The following DHCR7 variants were observed in gnomAD, a reference collection of about 807,000 sequenced individuals.
DHCR7 encodes the protein 7-DHC reductase.
Under a neutral mutation model 43.3 loss-of-function variants are expected in DHCR7, and 40 were observed. That is an observed-to-expected ratio of 0.92 (90% CI 0.72 to 1.20). The LOEUF (loss-of-function observed/expected upper bound fraction) is 1.20. Ranked by LOEUF, DHCR7 falls within the 50% of genes most tolerant of loss-of-function variation. The probability of loss-of-function intolerance (pLI) is 0.00; values close to 1 mark genes in which losing one functional copy is unlikely to be tolerated. For synonymous variants in DHCR7, 298 were observed against 271.4 expected (o/e 1.10, Z -0.96); for missense variants, 608 against 644.6 (o/e 0.94, Z 0.62).
rs1441002815 is a variant in DHCR7 at position 71,441,429 on chromosome 11, T to C, written c.424A>G (p.Lys142Glu). ...GAVTPAGVVN[K>E]YQINGLQAWL... ...GCTTGCAGGCCATTGATCTGATACT[T>C]GTTCACAACCCCTGCAGATGAAGGA... The change falls in exon 6 of 9, where the codon AAG becomes GAG. Residue 142 changes from lysine to glutamate, a missense_variant. Transcript: ENST00000355527. 2 of 1,612,782 alleles carry C rather than the reference T, an allele frequency of 1.2e-6. No homozygotes were observed. The highest frequency in any genetic ancestry group is 4.5e-5 in the East Asian group (2 of 44,852).
chr11:71,442,273 C>T lies in DHCR7; in HGVS notation c.402G>A (p.Val134=). 1.2e-6 allele frequency: 2 copies of T among 1,613,018 alleles called. No individual in the cohort carries two copies. Among genetic ancestry groups the T allele is most frequent in the Non-Finnish European group, 1.7e-6 (2 of 1,179,438 alleles). ...AAGGGAGGAGGCTACCTGCAGGAGTCACGGCCCCCTCCTGGATGCCTCCTA... is the reference window on the plus strand; with the variant it reads ...AAGGGAGGAGGCTACCTGCAGGAGTTACGGCCCCCTCCTGGATGCCTCCTA... The part of the protein sequence containing the change: ...GYVGGIQEGA[V]TPAGVVNKYQ... The change falls in exon 5 of 9, where the codon GTG becomes GTA. Residue 134 remains valine (V), a synonymous_variant. Coordinates refer to ENST00000355527, the MANE Select transcript of DHCR7 (RefSeq NM_001360.3).
At chr11:71,444,303 T>C (rs1213464582) in intron 3 of DHCR7, 88 bp from the exon 4 acceptor site, 1 of 1,129,934 alleles carries the variant, frequency 8.9e-7, no homozygotes, top group South Asian at 1.3e-5. Flanking sequence ...GGGAGAACTG[T>C]TGCTCAAACC....
At chr11:71,442,590 G>C (rs1162171729) in intron 4 of DHCR7, among the ~76,000 whole-genome samples, 1 of 152,170 alleles carries the variant, frequency 6.6e-6, no homozygotes, top group Non-Finnish European at 1.5e-5. Context: ...CCTCAGGAGA[G>C]CGCACAGGTC....
chr11:71,438,977 T>C lies in DHCR7; in HGVS notation c.733A>G (p.Ile245Val). The change falls in exon 7 of 9, where the codon ATC becomes GTC. Residue 245 changes from isoleucine (I) to valine (V), a missense_variant. By Grantham distance (29) the Ile-to-Val change is conservative. Transcript: ENST00000355527. ...AGGTTGATGAGGGTCCAGGCGACGA[T>C]CCCGGGGCGCCCATTGAAGAACAGC... The part of the protein sequence containing the change: ...FKLFFNGRPG[I>V]VAWTLINLSF... 21 of 1,614,060 alleles carry C rather than the reference T, an allele frequency of 1.3e-5. No individual in the cohort carries two copies. The highest frequency in any genetic ancestry group is 1.7e-5 in the Non-Finnish European group (20 of 1,180,050).
intron 2 of DHCR7, 110 bp from the exon 3 acceptor site, chr11:71,445,068 A>G (rs1949392288): frequency 2.3e-6 from 2 of 859,656 alleles, no homozygotes; most frequent in Non-Finnish European, 4.0e-6. Flanking sequence ...TCCTGTGCAC[A>G]TCTTCCCGGT....
intron 8 of DHCR7, 47 bp downstream of exon 8, chr11:71,437,765 T>C (rs1326942812): frequency 1.9e-6 from 3 of 1,612,344 alleles, no homozygotes; most frequent in Non-Finnish European, 2.5e-6. Flanking sequence ...AAGCTTAGCA[T>C]GTGTCTGCCA....
At chr11:71,434,320 C>T (rs1459868792), downstream of DHCR7, 1 of 152,336 alleles carries the variant, frequency 6.6e-6, no homozygotes, top group Admixed American at 6.5e-5. Context: ...CCTTCTCATA[C>T]CAGAAACAGA....
chr11:71,441,469 C>A (rs372529016), intron 5 of DHCR7, 29 bp from the exon 6 acceptor site: 2 of 1,573,072 alleles, frequency 1.3e-6, no homozygotes, highest in East Asian at 2.3e-5. Flanking sequence ...GAAATGAAGG[C>A]GCTTTCCCAA....
Position 71,447,611 on chromosome 11 carries a change from T to A in DHCR7, c.-8A>T, listed in dbSNP as rs1317027742. ...TCCAGGGCACTGAGATACACTTACCTCCAGCCTCTTGCCAAATAGTTTCAC... is the reference window on the plus strand; with the variant it reads ...TCCAGGGCACTGAGATACACTTACCACCAGCCTCTTGCCAAATAGTTTCAC... On this transcript the variant is annotated splice_region_variant and 5_prime_UTR_variant, in exon 2 of 9. Coordinates refer to ENST00000355527, the MANE Select transcript of DHCR7 (RefSeq NM_001360.3). The A allele has an allele frequency of 6.6e-6, 1 of 152,212 alleles. No individual in the cohort carries two copies. Among genetic ancestry groups the A allele is most frequent in the Non-Finnish European group, 1.5e-5 (1 of 68,060 alleles). 9.4% of individuals were successfully genotyped at this position (152,212 alleles called of 1,614,324 possible). A position where few individuals can be genotyped will look rare whatever the true frequency, so the allele number is the denominator to read the frequency against.
chr11:71,438,654 T>G (rs1949315006), intron 7 of DHCR7: 1 of 608,692 alleles, frequency 1.6e-6, no homozygotes, highest in Non-Finnish European at 2.9e-6. Flanking sequence ...CACGCCTGGC[T>G]GCGTAGAACC....
At chr11:71,448,173 G>A (rs1242019737) in intron 1 of DHCR7, 117 bp downstream of exon 1, 5 of 149,856 alleles carry the variant, frequency 3.3e-5, no homozygotes, top group African/African-American at 1.0e-4. Flanking sequence ...CTGCGCGCAC[G>A]CCCCCTACCC....
At chr11:71,427,319 CTTCT>C (rs746138978), downstream of DHCR7, among the ~76,000 whole-genome samples, 2 of 152,138 alleles carry the variant, frequency 1.3e-5, no homozygotes, top group African/African-American at 2.4e-5. Context: ...TTATTTAGCT[CTTCT>C]TTAATTTCTC....
chr11:71,440,008 A>T (rs1446105610), intron 6 of DHCR7, among the ~76,000 whole-genome samples: 2 of 152,038 alleles, frequency 1.3e-5, no homozygotes, highest in African/African-American at 4.8e-5. Context: ...CCCCCCAAAC[A>T]TTGGTTTATG....
chr11:71,428,823 C>T (rs1199152614), exon 3 of DHCR7: 2 of 456,226 alleles, frequency 4.4e-6, no homozygotes, highest in Admixed American at 4.7e-5. Context: ...CTTCCTGCCT[C>T]TACTCAGCCT....
intron 2 of DHCR7, among the ~76,000 whole-genome samples, chr11:71,445,880 A>G (rs940748041): frequency 1.6e-4 from 25 of 152,378 alleles, no homozygotes; most frequent in African/African-American, 6.0e-4. Context: ...TAGATTTCTC[A>G]ACAGCAAGCT....
chr11:71,442,436 A>T lies in DHCR7; in HGVS notation c.322-83T>A, dbSNP rs1019432925. 29 of 992,406 alleles carry T rather than the reference A, an allele frequency of 2.9e-5. 1 individual carries two copies. In the African/African-American group the frequency reaches 3.5e-4, roughly 12 times the overall value. The allele number at this position is 992,406 out of a possible 1,614,324, so 61.5% of individuals were successfully genotyped here. On this transcript the variant is annotated intron_variant, in intron 4 of 8. Coordinates refer to ENST00000355527, the MANE Select transcript of DHCR7 (RefSeq NM_001360.3). The stretch of plus-strand genomic sequence containing the variant: ...CGCATAGCAGGAACATGAGAATCAC[A>T]ATCATAGTCTTTTTCTTCCTGAAGC...
rs546830267 is a variant in DHCR7 at position 71,435,311 on chromosome 11, C to G, written c.*64G>C. ...CCTCGAGTTGGAGCTGGGATGCCAG[C>G]CCCCATGGACCTGGCAGAACACGCT... is the stretch of plus-strand genomic sequence containing the variant. On this transcript the variant is annotated 3_prime_UTR_variant, in exon 9 of 9. Coordinates refer to ENST00000355527, the MANE Select transcript of DHCR7 (RefSeq NM_001360.3). 175 of 1,528,252 alleles carry G rather than the reference C, an allele frequency of 1.1e-4. No homozygotes were observed. The highest frequency in any genetic ancestry group is 6.0e-4 in the Admixed American group (36 of 59,910). The allele number at this position is 1,528,252 out of a possible 1,614,324, so 94.7% of individuals were successfully genotyped here.
chr11:71,429,341 CA>C (rs1213196278), intron 2 of DHCR7, among the ~76,000 whole-genome samples: 2 of 152,176 alleles, frequency 1.3e-5, no homozygotes, highest in Non-Finnish European at 2.9e-5. Context: ...AAGTTCTGAG[CA>C]GTGGAGTGAC....
chr11:71,444,091 T>C lies in DHCR7; in HGVS notation c.223A>G (p.Ile75Val). 6.2e-7 allele frequency: 1 copy of C among 1,613,624 alleles called. No homozygotes were observed. The highest frequency in any genetic ancestry group is 8.5e-7 in the Non-Finnish European group (1 of 1,179,864). The change falls in exon 4 of 9, where the codon ATC becomes GTC. Residue 75 changes from isoleucine (I) to valine (V), a missense_variant. Coordinates refer to ENST00000355527, the MANE Select transcript of DHCR7 (RefSeq NM_001360.3). ...GAGAGCCGAGCATGTCCGGTGACGA[T>C]GTCCACCACAGGGCCAGTCAGGGCG... ...SCALTGPVVD[I>V]VTGHARLSDI... is the part of the protein sequence containing the mutation.
Sources: allele counts gnomAD v4.1 joint callset (sites outside exome capture counted in the v4.1 genomes callset), GRCh38; gene constraint gnomAD v4.1.1; transcripts MANE v1.5; gene names NCBI Gene and HGNC (gene_info 2026-07-23, HGNC 2026-07-21).